Variants in GALNT13 observed in about 807,000 individuals in gnomAD.
GALNT13 encodes the protein polypeptide N-acetylgalactosaminyltransferase 13.
A neutral mutation model predicts 64.2 loss-of-function variants in GALNT13; 28 were observed. The observed-to-expected ratio is 0.44, with a 90% confidence interval of 0.32 to 0.60. The LOEUF is 0.60. Among genes scored for constraint, GALNT13 ranks in the 20% least tolerant of loss-of-function variants. GALNT13 has a pLI of 0.05. For missense variants in GALNT13, 577 were observed against 669.8 expected, an observed-to-expected ratio of 0.86 and a Z score of 1.53; for synonymous variants, 214 against 224.6, an observed-to-expected ratio of 0.95 and a Z score of 0.42.
downstream of GALNT13, among the ~76,000 whole-genome samples, chr2:154,455,074 A>T (rs192929962): frequency 2.6e-5 from 4 of 152,170 alleles, no homozygotes; most frequent in Admixed American, 1.3e-4. Context: ...TGATTTTGCC[A>T]TGGTGCTTAG....
At chr2:153,129,642 A>T in the GALNT13 span, among the ~76,000 whole-genome samples, 2 of 152,074 alleles carry the variant, frequency 1.3e-5, no homozygotes, top group African/African-American at 2.4e-5. Flanking sequence ...GCATGATGGC[A>T]TGCATCTGTA....
At chr2:154,373,219 G>C (rs1038206798) in intron 9 of GALNT13, among the ~76,000 whole-genome samples, 10 of 152,078 alleles carry the variant, frequency 6.6e-5, no homozygotes, top group Admixed American at 5.9e-4. Flanking sequence ...ATCTGGTACA[G>C]TGTGAGGAAA....
At chr2:153,497,583 G>T in the GALNT13 span, among the ~76,000 whole-genome samples, 6 of 117,756 alleles carry the variant, frequency 5.1e-5, no homozygotes, top group Non-Finnish European at 9.6e-5. Context: ...CGTCTCCCAG[G>T]CTGGAATGCG....
chr2:154,162,990 T>C (rs970148886), intron 4 of GALNT13, among the ~76,000 whole-genome samples: 5 of 151,508 alleles, frequency 3.3e-5, no homozygotes, highest in African/African-American at 9.7e-5. Context: ...TTTTTTATAT[T>C]TTTTATTATA....
At chr2:153,202,628 A>G in the GALNT13 span, among the ~76,000 whole-genome samples, 1 of 152,190 alleles carries the variant, frequency 6.6e-6, no homozygotes, top group South Asian at 2.1e-4. Context: ...AATGAAGCAA[A>G]CACATATGTA....
At chr2:153,468,174 A>G in the GALNT13 span, among the ~76,000 whole-genome samples, 1 of 152,022 alleles carries the variant, frequency 6.6e-6, no homozygotes, top group African/African-American at 2.4e-5. Flanking sequence ...CCATGGAATC[A>G]TAAATTGAAA....
At chr2:153,978,536 C>A (rs535386336) in intron 3 of GALNT13, among the ~76,000 whole-genome samples, 1 of 152,042 alleles carries the variant, frequency 6.6e-6, no homozygotes, top group Non-Finnish European at 1.5e-5. Flanking sequence ...ATGCTATTCT[C>A]GTGATAGTGA....
chr2:153,164,869 T>C, the GALNT13 span, among the ~76,000 whole-genome samples: 1 of 152,222 alleles, frequency 6.6e-6, no homozygotes, highest in Non-Finnish European at 1.5e-5. Context: ...ATTACCAGGT[T>C]GCCTGCCAAG....
intron 3 of GALNT13, among the ~76,000 whole-genome samples, chr2:154,085,220 A>C (rs1287377925): frequency 3.3e-5 from 5 of 152,066 alleles, no homozygotes; most frequent in Non-Finnish European, 7.4e-5. Context: ...TTTAAGAAGA[A>C]ATATATTCTT....
At chr2:153,222,589 C>G in the GALNT13 span, among the ~76,000 whole-genome samples, 1 of 152,164 alleles carries the variant, frequency 6.6e-6, no homozygotes, top group African/African-American at 2.4e-5. Context: ...ATCCATGGTC[C>G]ACTGCGCCCA....
chr2:153,524,317 TTC>T, the GALNT13 span, among the ~76,000 whole-genome samples: 1 of 150,296 alleles, frequency 6.7e-6, no homozygotes, highest in Non-Finnish European at 1.5e-5. Flanking sequence ...TAAGTATTCC[TTC>T]TCTTTTTTTT....
At chr2:154,240,812 C>T (rs1689442441) in intron 4 of GALNT13, among the ~76,000 whole-genome samples, 1 of 152,190 alleles carries the variant, frequency 6.6e-6, no homozygotes, top group South Asian at 2.1e-4. Flanking sequence ...GGAAGAGTCA[C>T]ATCACACTTG....
the GALNT13 span, among the ~76,000 whole-genome samples, chr2:153,476,193 G>A: frequency 3.9e-5 from 6 of 152,300 alleles, no homozygotes; most frequent in South Asian, 4.1e-4. Context: ...GTTTACTTGA[G>A]AGCGAAATGG....
chr2:153,378,751 G>C, the GALNT13 span, among the ~76,000 whole-genome samples: 1 of 152,096 alleles, frequency 6.6e-6, no homozygotes, highest in Non-Finnish European at 1.5e-5. Flanking sequence ...TAAGGGCTCA[G>C]TTGCAGATAT....
intron 3 of GALNT13, among the ~76,000 whole-genome samples, chr2:154,036,887 G>A (rs774671828): frequency 6.6e-6 from 1 of 151,892 alleles, no homozygotes; most frequent in Non-Finnish European, 1.5e-5. Context: ...TTTATTGTAT[G>A]TACATTGGAT....
chr2:153,247,183 T>A, the GALNT13 span, among the ~76,000 whole-genome samples: 2 of 152,174 alleles, frequency 1.3e-5, no homozygotes, highest in Non-Finnish European at 2.9e-5. Flanking sequence ...CACATAATAA[T>A]AGTGGGAAAC....
At chr2:153,502,731 C>T in the GALNT13 span, among the ~76,000 whole-genome samples, 1 of 152,204 alleles carries the variant, frequency 6.6e-6, no homozygotes, top group Non-Finnish European at 1.5e-5. Flanking sequence ...TTATTCACTG[C>T]ATCCACACCA....
the GALNT13 span, among the ~76,000 whole-genome samples, chr2:153,631,093 GA>G: frequency 5.9e-5 from 9 of 151,760 alleles, no homozygotes; most frequent in Admixed American, 5.3e-4. Flanking sequence ...AGTTTGCTGA[GA>G]ATGATGGTTT....
chr2:153,249,000 A>G, the GALNT13 span, among the ~76,000 whole-genome samples: 1 of 152,166 alleles, frequency 6.6e-6, no homozygotes, highest in Non-Finnish European at 1.5e-5. Context: ...CAGCACTCCT[A>G]TTCAACATAA....
Sources: allele counts gnomAD v4.1 joint callset (sites outside exome capture counted in the v4.1 genomes callset), GRCh38; gene constraint gnomAD v4.1.1; transcripts MANE v1.5; gene names NCBI Gene and HGNC (gene_info 2026-07-23, HGNC 2026-07-21).